DGKB: variants seen among roughly 807,000 people sequenced by gnomAD.
DGKB encodes the protein diacylglycerol kinase beta.
A neutral mutation model predicts 114.3 loss-of-function variants in DGKB; 67 were observed. The observed-to-expected ratio is 0.59, with a 90% CI of 0.48 to 0.72. The LOEUF (loss-of-function observed/expected upper bound fraction) is 0.72, where lower values mean the gene tolerates loss of function less well. Among genes scored for constraint, DGKB ranks in the 30% least tolerant of loss-of-function variants. DGKB has a pLI of 0.00. For synonymous variants in DGKB, 398 were observed against 323.1 expected (o/e 1.23, Z -2.49); for missense variants, 907 against 975.2 (o/e 0.93, Z 0.93).
intron 23 of DGKB, among the ~76,000 whole-genome samples, chr7:14,233,953 T>G (rs1792334524): frequency 1.3e-5 from 2 of 151,994 alleles, no homozygotes; most frequent in African/African-American, 4.8e-5. Context: ...GTTTTAACCC[T>G]AAAGCTCAGA....
chr7:14,696,593 G>C (rs1221125990), intron 8 of DGKB, among the ~76,000 whole-genome samples: 2 of 145,856 alleles, frequency 1.4e-5, no homozygotes, highest in Non-Finnish European at 3.0e-5. Flanking sequence ...AAGCTGGCTT[G>C]ATTGACAGAT....
At chr7:14,907,805 C>A (rs1472458105), upstream of DGKB, among the ~76,000 whole-genome samples, 1 of 152,010 alleles carries the variant, frequency 6.6e-6, no homozygotes, top group African/African-American at 2.4e-5. Flanking sequence ...GATGAAGGTA[C>A]CTGGTATTAT....
intron 23 of DGKB, among the ~76,000 whole-genome samples, chr7:14,192,372 A>G (rs541267530): frequency 6.6e-6 from 1 of 152,302 alleles, no homozygotes; most frequent in African/African-American, 2.4e-5. Context: ...TAGCTACAAA[A>G]AAACTAGATA....
chr7:14,779,150 C>A (rs558595359), intron 2 of DGKB, among the ~76,000 whole-genome samples: 27 of 152,060 alleles, frequency 1.8e-4, no homozygotes, highest in South Asian at 6.2e-4. Flanking sequence ...AGTGAGACTC[C>A]ATCTCAAAAA....
intron 23 of DGKB, among the ~76,000 whole-genome samples, chr7:14,277,710 G>A (rs1200811660): frequency 6.6e-6 from 1 of 152,178 alleles, no homozygotes; most frequent in Non-Finnish European, 1.5e-5. Flanking sequence ...TGTGTATAGT[G>A]CTACAATGAA....
intron 1 of DGKB, among the ~76,000 whole-genome samples, chr7:14,878,764 A>AAC (rs1554325525): frequency 6.6e-6 from 1 of 151,230 alleles, no homozygotes; most frequent in African/African-American, 2.4e-5. Flanking sequence ...ACAAAAAAAA[A>AAC]AAAACAAAAA....
intron 20 of DGKB, among the ~76,000 whole-genome samples, chr7:14,499,830 G>A (rs1785864370): frequency 1.3e-5 from 2 of 148,900 alleles, no homozygotes; most frequent in Non-Finnish European, 3.0e-5. Flanking sequence ...TAAGATAAAG[G>A]AAAGAATGAT....
At chr7:14,637,888 A>G (rs553610828) in intron 13 of DGKB, among the ~76,000 whole-genome samples, 1 of 152,146 alleles carries the variant, frequency 6.6e-6, no homozygotes, top group Non-Finnish European at 1.5e-5. Flanking sequence ...ACATTAACTA[A>G]GAGTAATTAC....
At chr7:14,167,005 T>A (rs953645040) in intron 25 of DGKB, among the ~76,000 whole-genome samples, 1 of 151,982 alleles carries the variant, frequency 6.6e-6, no homozygotes, top group African/African-American at 2.4e-5. Context: ...AGCTCAGAAG[T>A]CTAAGACCAT....
At chr7:14,662,482 T>C (rs1045529598) in intron 13 of DGKB, among the ~76,000 whole-genome samples, 2 of 152,016 alleles carry the variant, frequency 1.3e-5, no homozygotes, top group African/African-American at 4.8e-5. Context: ...AATGATCCTT[T>C]GCACTTCTGA....
At chr7:14,722,925 T>G (rs767929039) in intron 5 of DGKB, among the ~76,000 whole-genome samples, 11 of 152,062 alleles carry the variant, frequency 7.2e-5, no homozygotes, top group Non-Finnish European at 1.5e-4. Flanking sequence ...TATATTTTCA[T>G]TTAGTTTTCT....
chr7:14,867,985 C>T (rs539685395), intron 1 of DGKB, among the ~76,000 whole-genome samples: 6 of 152,172 alleles, frequency 3.9e-5, no homozygotes, highest in South Asian at 4.2e-4. Flanking sequence ...TCAAATTGCA[C>T]GAAAAGAGAT....
At chr7:14,634,172 A>G (rs1810284842) in intron 13 of DGKB, among the ~76,000 whole-genome samples, 2 of 151,070 alleles carry the variant, frequency 1.3e-5, no homozygotes, top group South Asian at 4.2e-4. Flanking sequence ...TTACATTTAT[A>G]TATTTTTCAT....
At chr7:14,164,772 G>C (rs1784393729) in intron 25 of DGKB, among the ~76,000 whole-genome samples, 1 of 151,802 alleles carries the variant, frequency 6.6e-6, no homozygotes, top group Non-Finnish European at 1.5e-5. Context: ...GGTATAATTG[G>C]GGATTACAGG....
intron 2 of DGKB, among the ~76,000 whole-genome samples, chr7:14,778,692 G>A (rs144222599): frequency 2.2e-4 from 34 of 152,254 alleles, no homozygotes; most frequent in Admixed American, 5.2e-4. Flanking sequence ...GTTTTATTCA[G>A]TTAGAAGGGA....
intron 17 of DGKB, among the ~76,000 whole-genome samples, chr7:14,590,466 T>A (rs1215275971): frequency 3.3e-5 from 5 of 152,146 alleles, no homozygotes; most frequent in Non-Finnish European, 7.4e-5. Flanking sequence ...CTGTTATTCA[T>A]TCTTGTTTTC....
At chr7:14,611,389 G>T (rs149429606) in intron 16 of DGKB, among the ~76,000 whole-genome samples, 2 of 152,154 alleles carry the variant, frequency 1.3e-5, no homozygotes, top group African/African-American at 4.8e-5. Context: ...GATTGATATG[G>T]AAAAGTTTAT....
intron 13 of DGKB, among the ~76,000 whole-genome samples, 190 bp downstream of exon 13, chr7:14,672,739 C>T (rs1819175332): frequency 6.6e-6 from 1 of 151,954 alleles, no homozygotes; most frequent in South Asian, 2.1e-4. Flanking sequence ...TTCTAGAAAG[C>T]GTATTTTGAC....
In DGKB at chr7:14,611,896, G is replaced by A. The variant is rs960349150; in HGVS notation, c.1358+1444C>T. Among the ~76,000 whole-genome samples the A allele has an allele frequency of 3.7e-4, 56 of 151,242 alleles. 1 individual carries two copies. The highest frequency in any genetic ancestry group is 2.1e-4 in the South Asian group (1 of 4,812). ...TCTGTAATTTCCAATGTGGATTTAA[G>A]TCTCATCTAATCCTTTGTGGAAAGT... On this transcript the variant is annotated intron_variant, in intron 16 of 25. Coordinates refer to ENST00000402815, the MANE Select transcript of DGKB (RefSeq NM_001350709.2).
Sources: gnomAD v4.1 joint callset for allele counts (sites outside exome capture counted in the v4.1 genomes callset) on GRCh38, gnomAD v4.1.1 for gene constraint, MANE v1.5 for transcripts, NCBI Gene and HGNC (gene_info 2026-07-23, HGNC 2026-07-21) for gene names.